The following NELL2 variants were observed in gnomAD, a reference collection of about 807,000 sequenced individuals.
The protein encoded by NELL2 is neural EGFL like 2, also known as protein kinase C-binding protein NELL2.
In NELL2, 41 loss-of-function variants were observed where a neutral mutation model predicts 109.6. That is an observed-to-expected ratio of 0.37 (90% CI 0.29 to 0.49). The LOEUF is 0.49. NELL2 is among the 20% of genes least tolerant of loss of function. The pLI is 0.98. For missense variants in NELL2, 900 were observed against 1,008.3 expected (o/e 0.89, Z 1.45); for synonymous variants, 355 against 344.7 (o/e 1.03, Z -0.33).
At chr12:44,730,948 C>T (rs1282381655) in intron 9 of NELL2, among the ~76,000 whole-genome samples, 1 of 151,890 alleles carries the variant, frequency 6.6e-6, no homozygotes, top group African/African-American at 2.4e-5. Flanking sequence ...AATGTTACAA[C>T]CAATACACAG....
intron 13 of NELL2, among the ~76,000 whole-genome samples, chr12:44,612,813 C>T (rs1566018829): frequency 6.6e-6 from 1 of 151,984 alleles, no homozygotes; most frequent in Non-Finnish European, 1.5e-5. Context: ...GTTTTAATCC[C>T]TGCCTTGGTT....
chr12:44,518,405 T>C (rs1304095962), intron 19 of NELL2, among the ~76,000 whole-genome samples: 1 of 152,000 alleles, frequency 6.6e-6, no homozygotes, highest in African/African-American at 2.4e-5. Context: ...CCACCATGCC[T>C]GGCTAATTTT....
chr12:44,659,713 C>T (rs1947669782), intron 13 of NELL2, among the ~76,000 whole-genome samples: 1 of 151,952 alleles, frequency 6.6e-6, no homozygotes, highest in Admixed American at 6.6e-5. Context: ...TAGGCATATT[C>T]AATGCTATAA....
intron 3 of NELL2, among the ~76,000 whole-genome samples, chr12:44,783,512 G>A (rs148276837): frequency 0.023 from 3,456 of 151,884 alleles, 48 homozygotes; most frequent in Non-Finnish European, 0.033. Flanking sequence ...AGATAAACAG[G>A]AGATTTCATT....
intron 13 of NELL2, among the ~76,000 whole-genome samples, chr12:44,636,276 T>C (rs1370030584): frequency 2.0e-5 from 3 of 152,166 alleles, no homozygotes; most frequent in African/African-American, 4.8e-5. Flanking sequence ...ACCTTTTACT[T>C]ATCTCTCTTG....
intron 13 of NELL2, among the ~76,000 whole-genome samples, chr12:44,646,390 T>A (rs1230843819): frequency 6.6e-6 from 1 of 152,210 alleles, no homozygotes; most frequent in Non-Finnish European, 1.5e-5. Flanking sequence ...TGATGGAGAA[T>A]ATGTTCTAAG....
At chr12:44,702,565 T>A (rs975921926) in intron 12 of NELL2, among the ~76,000 whole-genome samples, 1 of 152,196 alleles carries the variant, frequency 6.6e-6, no homozygotes, top group South Asian at 2.1e-4. Context: ...TCAAATATTA[T>A]AATCAAAATA....
chr12:44,597,894 G>C (rs965527374), intron 15 of NELL2, among the ~76,000 whole-genome samples: 2 of 152,168 alleles, frequency 1.3e-5, no homozygotes, highest in African/African-American at 4.8e-5. Flanking sequence ...GAAATGTTGA[G>C]GGCTGAAAGC....
At chr12:44,841,786 C>T (rs1944233050) in intron 2 of NELL2, among the ~76,000 whole-genome samples, 1 of 152,002 alleles carries the variant, frequency 6.6e-6, no homozygotes, top group African/African-American at 2.4e-5. Context: ...TGGATTACGA[C>T]CATCCAGAGT....
chr12:44,758,389 C>T (rs1449653553), intron 9 of NELL2, among the ~76,000 whole-genome samples: 3 of 152,174 alleles, frequency 2.0e-5, no homozygotes, highest in Non-Finnish European at 2.9e-5. Context: ...AGTTACTCTG[C>T]TTTATTAAAT....
intron 9 of NELL2, among the ~76,000 whole-genome samples, chr12:44,768,511 TAA>T (rs1361474050): frequency 7.0e-6 from 1 of 142,860 alleles, no homozygotes; most frequent in African/African-American, 2.6e-5. Flanking sequence ...TATAGAATTA[TAA>T]AAGTGTTCTA....
At chr12:44,883,330 A>G (rs931513847) in intron 1 of NELL2, among the ~76,000 whole-genome samples, 1 of 151,782 alleles carries the variant, frequency 6.6e-6, no homozygotes, top group Non-Finnish European at 1.5e-5. Context: ...CCCTCCTTCA[A>G]TCTTCAATCC....
intron 15 of NELL2, among the ~76,000 whole-genome samples, chr12:44,588,242 C>T (rs1944614178): frequency 6.6e-6 from 1 of 151,800 alleles, no homozygotes; most frequent in Non-Finnish European, 1.5e-5. Context: ...TGAAATGGAA[C>T]ATAGCACATC....
rs745446025 is a variant in NELL2 at position 44,665,618 on chromosome 12, A to G, written c.1319-9T>C. The G allele has an allele frequency of 1.9e-6, 3 of 1,611,066 alleles. No individual in the cohort carries two copies. Among genetic ancestry groups the G allele is most frequent in the African/African-American group, 1.3e-5 (1 of 74,824 alleles). ...AGCACACTCATCGATGTCTGTGAAGAAAAACAGGACAAAGAGGTCAACAGT... is the reference window on the plus strand; with the variant it reads ...AGCACACTCATCGATGTCTGTGAAGGAAAACAGGACAAAGAGGTCAACAGT... On this transcript the variant is annotated splice_polypyrimidine_tract_variant and intron_variant, in intron 12 of 19. Coordinates refer to ENST00000429094, the MANE Select transcript of NELL2 (RefSeq NM_001145108.2).
chr12:44,818,998 T>A (rs1943453168), intron 2 of NELL2, among the ~76,000 whole-genome samples: 1 of 152,020 alleles, frequency 6.6e-6, no homozygotes, highest in Non-Finnish European at 1.5e-5. Context: ...CGCCTCGGCC[T>A]CCCAAAGTGC....
In NELL2 at chr12:44,618,217, C is replaced by T. The variant is rs747733631; in HGVS notation, c.1445-7247G>A. Among the ~76,000 whole-genome samples, 63 of 152,134 alleles carry T rather than the reference C, an allele frequency of 4.1e-4. 1 individual carries two copies. Among genetic ancestry groups the T allele is most frequent in the Admixed American group, 4.6e-4 (7 of 15,278 alleles). On this transcript the variant is annotated intron_variant, in intron 13 of 19. Transcript: ENST00000429094. ...TTCTCTAAAAGTCATTTTTAACACCCAGGCATTTTTAATTCACTATTTAAG... is the reference window on the plus strand; with the variant it reads ...TTCTCTAAAAGTCATTTTTAACACCTAGGCATTTTTAATTCACTATTTAAG...
In NELL2 at chr12:44,792,560, T is replaced by A. The variant is rs1942474018; in HGVS notation, c.336-12538A>T. 4.6e-5 allele frequency among the ~76,000 whole-genome samples: 7 copies of A among 152,192 alleles called. No homozygotes were observed. The South Asian group carries it at 1.4e-3, about 32-fold the overall frequency. ...AAAGACACCATAAATAAACAACCAATGACATTCTATAAGACAAAATAAAAT... is the reference window on the plus strand; with the variant it reads ...AAAGACACCATAAATAAACAACCAAAGACATTCTATAAGACAAAATAAAAT... On this transcript the variant is annotated intron_variant, in intron 3 of 19. Coordinates refer to ENST00000429094, the MANE Select transcript of NELL2 (RefSeq NM_001145108.2).
intron 3 of NELL2, among the ~76,000 whole-genome samples, chr12:44,783,336 G>A (rs1282040910): frequency 6.6e-6 from 1 of 150,804 alleles, no homozygotes; most frequent in Admixed American, 6.6e-5. Context: ...AAAAGGAAGG[G>A]CAAAATAAAC....
At chr12:44,509,569 CCTCT>C (rs773662633) in intron 19 of NELL2, among the ~76,000 whole-genome samples, 2 of 152,048 alleles carry the variant, frequency 1.3e-5, no homozygotes, top group Admixed American at 6.5e-5. Context: ...ACACATGCGT[CCTCT>C]CTCTCTATCT....
Sources: gnomAD v4.1 joint callset for allele counts (sites outside exome capture counted in the v4.1 genomes callset) on GRCh38, gnomAD v4.1.1 for gene constraint, MANE v1.5 for transcripts, NCBI Gene and HGNC (gene_info 2026-07-23, HGNC 2026-07-21) for gene names.